The following PCBP3 variants were observed in gnomAD, a reference collection of about 807,000 sequenced individuals.
The protein encoded by PCBP3 is poly(rC) binding protein 3, also known as poly(rC)-binding protein 3.
In PCBP3, 25 loss-of-function variants were observed where a neutral mutation model predicts 52.7. The observed-to-expected ratio is 0.47, with a 90% CI of 0.35 to 0.66. PCBP3 has a LOEUF of 0.66. Among genes scored for constraint, PCBP3 ranks in the 30% least tolerant of loss-of-function variants. The pLI is 0.01. For synonymous variants in PCBP3, 162 were observed against 183.0 expected (o/e 0.89, Z 0.93); for missense variants, 391 against 490.3 (o/e 0.80, Z 1.91).
At chr21:45,739,592 C>CT (rs573687179) in intron 3 of PCBP3, among the ~76,000 whole-genome samples, 1,212 of 120,598 alleles carry the variant, frequency 0.01, 42 homozygotes, top group Non-Finnish European at 0.015. Flanking sequence ...GGGTGCCCCC[C>CT]CCCATCTTCA....
At position 45,821,831 on chromosome 21, in the gene PCBP3, C is replaced by G. The variant is rs547145399; in HGVS notation, c.-125-28130C>G. 2.6e-5 allele frequency among the ~76,000 whole-genome samples: 4 copies of G among 152,200 alleles called. No homozygotes were observed. Among genetic ancestry groups the G allele is most frequent in the African/African-American group, 7.2e-5 (3 of 41,442 alleles). On this transcript the variant is annotated intron_variant, in intron 4 of 17. Transcript: ENST00000681687. The surrounding 1 kb of genome is among the most constrained non-coding windows in gnomAD (Gnocchi z 4.4). ...GCAGCAGAGCCCAGCCCTGGCCCTTCGAGCTTCCGTCCTGCAAGCACCGGC... is the reference window on the plus strand; with the variant it reads ...GCAGCAGAGCCCAGCCCTGGCCCTTGGAGCTTCCGTCCTGCAAGCACCGGC...
At chr21:45,888,637 G>A (rs767272746) in intron 5 of PCBP3, among the ~76,000 whole-genome samples, 4 of 152,276 alleles carry the variant, frequency 2.6e-5, no homozygotes, top group Non-Finnish European at 5.9e-5. Flanking sequence ...AGCCTCCTGT[G>A]TGCAGCTTCA....
At chr21:45,676,665 G>A (rs183098340) in intron 2 of PCBP3, among the ~76,000 whole-genome samples, 5 of 152,152 alleles carry the variant, frequency 3.3e-5, no homozygotes, top group East Asian at 3.9e-4. Flanking sequence ...TGGGGCCTCC[G>A]TATGCCCTGA....
intron 4 of PCBP3, among the ~76,000 whole-genome samples, chr21:45,844,294 G>C (rs779494558): frequency 6.6e-6 from 1 of 152,104 alleles, no homozygotes; most frequent in Non-Finnish European, 1.5e-5. Context: ...GCTGCATGGA[G>C]CATAGACACG....
chr21:45,922,715 G>A (rs1325393779), intron 13 of PCBP3, among the ~76,000 whole-genome samples: 2 of 152,246 alleles, frequency 1.3e-5, no homozygotes, highest in African/African-American at 2.4e-5. Context: ...CCATGTAGGC[G>A]ATTTTAGATG....
intron 9 of PCBP3, among the ~76,000 whole-genome samples, chr21:45,902,267 GGCC>G: frequency 1.6e-5 from 1 of 63,426 alleles, no homozygotes; most frequent in Non-Finnish European, 3.0e-5. Flanking sequence ...CAGACACTGG[GGCC>G]AGTGTTCCCC....
chr21:45,695,193 A>G (rs1330744686), intron 2 of PCBP3, among the ~76,000 whole-genome samples: 1 of 152,150 alleles, frequency 6.6e-6, no homozygotes, highest in Non-Finnish European at 1.5e-5. Context: ...TCCTGATCCC[A>G]CCTGTCTTGG....
At chr21:45,844,795 C>A (rs74870076) in intron 4 of PCBP3, among the ~76,000 whole-genome samples, 2,863 of 150,752 alleles carry the variant, frequency 0.019, 92 homozygotes, top group African/African-American at 0.066. Context: ...AAGACTGGGT[C>A]TGAGTTTATA....
chr21:45,683,171 A>G (rs2081953615), intron 2 of PCBP3, among the ~76,000 whole-genome samples: 1 of 152,230 alleles, frequency 6.6e-6, no homozygotes, highest in African/African-American at 2.4e-5. Flanking sequence ...GATAGGTCAA[A>G]TAAGATAGGA....
chr21:45,901,336 C>A, intron 9 of PCBP3: 1 of 505,578 alleles, frequency 2.0e-6, no homozygotes, highest in Non-Finnish European at 3.6e-6. Flanking sequence ...CAGCTACTCC[C>A]GGCTGTATGC....
intron 17 of PCBP3, among the ~76,000 whole-genome samples, chr21:45,940,883 GT>G (rs1278807278): frequency 1.5e-5 from 2 of 136,710 alleles, no homozygotes; most frequent in African/African-American, 6.0e-5. Flanking sequence ...CCCCAAGGAT[GT>G]CCTACTGCAA....
chr21:45,671,103 GA>G (rs2081143613), intron 2 of PCBP3, among the ~76,000 whole-genome samples: 4 of 152,334 alleles, frequency 2.6e-5, no homozygotes, highest in Admixed American at 2.6e-4. Context: ...GTTCTATCTA[GA>G]TGCAGGCATG....
At chr21:45,757,482 T>G (rs1242124507) in intron 4 of PCBP3, among the ~76,000 whole-genome samples, 1 of 152,242 alleles carries the variant, frequency 6.6e-6, no homozygotes, top group African/African-American at 2.4e-5. Context: ...GGTTGTCTTT[T>G]CATTTTCTTG....
At chr21:45,790,238 G>A (rs1267400861) in intron 4 of PCBP3, among the ~76,000 whole-genome samples, 3 of 152,266 alleles carry the variant, frequency 2.0e-5, no homozygotes, top group South Asian at 4.1e-4. Flanking sequence ...TGGTCCCGAG[G>A]ACGTCATGAG....
rs187210747 is a variant in PCBP3, at chr21:45,817,154, T to C, written c.-125-32807T>C. 6.6e-6 allele frequency among the ~76,000 whole-genome samples: 1 copy of C among 152,220 alleles called. No homozygotes were observed. Among genetic ancestry groups the C allele is most frequent in the South Asian group, 2.1e-4 (1 of 4,830 alleles). On this transcript the variant is annotated intron_variant, in intron 4 of 17. Coordinates refer to ENST00000681687, the MANE Select transcript of PCBP3 (RefSeq NM_001384156.1). This position sits in a 1 kb window ranked among gnomAD's most constrained non-coding sequence, Gnocchi z 4.3. ...GTTTTTATTTCTGCAGGCATCTAAT[T>C]TACCGAAACTTCATGTCATGGCTCG...
chr21:45,764,885 G>A (rs1019987661), intron 4 of PCBP3, among the ~76,000 whole-genome samples: 2 of 152,216 alleles, frequency 1.3e-5, no homozygotes, highest in Non-Finnish European at 2.9e-5. Flanking sequence ...GGGCTATGCC[G>A]GAGAAGCTTT....
chr21:45,900,474 G>A, intron 7 of PCBP3, 117 bp from the exon 8 acceptor site: 1 of 753,246 alleles, frequency 1.3e-6, no homozygotes, highest in East Asian at 2.5e-5. Flanking sequence ...CTCCAGCACA[G>A]GCAGGAGGCT....
intron 4 of PCBP3, among the ~76,000 whole-genome samples, chr21:45,838,212 C>T (rs2093630761): frequency 6.6e-6 from 1 of 152,132 alleles, no homozygotes; most frequent in Non-Finnish European, 1.5e-5. Context: ...GGAGTTTGGC[C>T]AGTGCAGCTG....
chr21:45,772,841 A>AT (rs1353079023), intron 4 of PCBP3, among the ~76,000 whole-genome samples: 1 of 151,884 alleles, frequency 6.6e-6, no homozygotes, highest in Non-Finnish European at 1.5e-5. Context: ...TATGTTGAAC[A>AT]TTTTTTTCAC....
Sources: allele counts gnomAD v4.1 joint callset (sites outside exome capture counted in the v4.1 genomes callset), GRCh38; gene constraint gnomAD v4.1.1; non-coding constraint Gnocchi (gnomAD v3.1); transcripts MANE v1.5; gene names NCBI Gene and HGNC (gene_info 2026-07-23, HGNC 2026-07-21).